Variants in TEX9 observed in about 807,000 individuals in gnomAD.
The protein encoded by TEX9 is testis-expressed protein 9.
Under a neutral mutation model 59.6 loss-of-function variants are expected in TEX9, and 74 were observed. The observed-to-expected ratio is 1.24, with a 90% CI of 1.03 to 1.51. The LOEUF is 1.51. Ranked by LOEUF, TEX9 falls within the 40% of genes most tolerant of loss-of-function variation. TEX9 has a pLI of 0.00. For missense variants in TEX9, 522 were observed against 447.8 expected (o/e 1.17, Z -1.49); for synonymous variants, 186 against 152.2 (o/e 1.22, Z -1.64).
chr15:56,364,587 T>C (rs564838951), upstream of TEX9, among the ~76,000 whole-genome samples: 2 of 152,140 alleles, frequency 1.3e-5, no homozygotes, highest in South Asian at 4.2e-4. Context: ...AGCTTTAGAG[T>C]TTTAGCTCCT....
intron 7 of TEX9, among the ~76,000 whole-genome samples, chr15:56,392,389 G>A (rs998182295): frequency 6.6e-6 from 1 of 152,060 alleles, no homozygotes; most frequent in Admixed American, 6.6e-5. Context: ...AAGAGACGGG[G>A]GAGGTGCTAC....
chr15:56,258,836 T>A (rs2044200765), intron 1 of TEX9, among the ~76,000 whole-genome samples: 1 of 151,346 alleles, frequency 6.6e-6, no homozygotes, highest in Non-Finnish European at 1.5e-5. Flanking sequence ...TTTTTCTTAT[T>A]GATTTGTAGA....
At position 56,247,274 on chromosome 15, in the gene TEX9, A is replaced by G. The variant is rs532601508; in HGVS notation, c.-107+2996A>G. ...TATGAATAAATAAGACCTGGCCCCA[A>G]CTTGAAGTAGTTTACATTTTTGTGA... On this transcript the variant is annotated intron_variant, in intron 1 of 5. Coordinates refer to the TEX9 transcript ENST00000560827. 3.3e-5 allele frequency among the ~76,000 whole-genome samples: 5 copies of G among 152,340 alleles called. No individual in the cohort carries two copies. In the South Asian group the frequency reaches 8.3e-4, roughly 25 times the overall value.
intron 10 of TEX9, among the ~76,000 whole-genome samples, chr15:56,426,013 T>G (rs910567363): frequency 5.3e-5 from 8 of 152,184 alleles, no homozygotes; most frequent in African/African-American, 1.9e-4. Context: ...ATCTCACTAC[T>G]TCTTCTCAGA....
chr15:56,377,461 T>C (rs190906237), intron 3 of TEX9, among the ~76,000 whole-genome samples: 2 of 152,282 alleles, frequency 1.3e-5, no homozygotes, highest in East Asian at 3.9e-4. Flanking sequence ...GTTGTAGAGA[T>C]CTGTTACTGC....
intron 1 of TEX9, among the ~76,000 whole-genome samples, chr15:56,319,038 T>G (rs1204338951): frequency 6.6e-6 from 1 of 152,040 alleles, no homozygotes; most frequent in Non-Finnish European, 1.5e-5. Context: ...CAAAAGAAAA[T>G]TATTTAATTG....
At chr15:56,309,693 GTTTTTTTTTTTTTTTTT>G (rs60648387) in intron 1 of TEX9, among the ~76,000 whole-genome samples, 6,066 of 61,238 alleles carry the variant, frequency 0.099, 366 homozygotes, top group Admixed American at 0.25. Context: ...TTTATGGGAA[GTTTTTTTTTTTTTTTTT>G]TTTTTTTTTT....
exon 1 of TEX9, chr15:56,365,434 C>T (rs751435237): frequency 1.9e-5 from 31 of 1,608,882 alleles, no homozygotes; most frequent in Non-Finnish European, 2.5e-5. Flanking sequence ...TCGGTAACCG[C>T]GTCGCAGTCG....
chr15:56,301,748 T>G (rs1341290681), intron 1 of TEX9, among the ~76,000 whole-genome samples: 1 of 152,056 alleles, frequency 6.6e-6, no homozygotes, highest in Admixed American at 6.6e-5. Flanking sequence ...AGACAAAAAC[T>G]GAGGAACTTC....
chr15:56,250,775 AAAT>A (rs1438589898), intron 1 of TEX9, among the ~76,000 whole-genome samples: 2 of 152,170 alleles, frequency 1.3e-5, no homozygotes. Flanking sequence ...AAAAAAAACA[AAAT>A]AATTCAGTTT....
intron 1 of TEX9, among the ~76,000 whole-genome samples, chr15:56,256,664 G>A (rs1454116009): frequency 6.6e-6 from 1 of 151,836 alleles, no homozygotes; most frequent in African/African-American, 2.4e-5. Flanking sequence ...AAAAAAGAGA[G>A]AGTTATCAGC....
In TEX9 at chr15:56,384,869, C is replaced by CAAGT. The variant is rs150343000; in HGVS notation, c.263+839_263+842dup. Reference sequence around the variant, plus strand: ...TCAACAGTATGTCCTGTTAAAGAGACAAGTTTGGGAAACATTTGGCTGATT... The same window carrying CAAGT: ...TCAACAGTATGTCCTGTTAAAGAGACAAGTAAGTTTGGGAAACATTTGGCTGATT... On this transcript the variant is annotated intron_variant, in intron 4 of 12. Transcript: ENST00000352903. Among the ~76,000 whole-genome samples the CAAGT allele has an allele frequency of 2.1e-3, 326 of 152,200 alleles. 1 individual carries two copies. Among genetic ancestry groups the CAAGT allele is most frequent in the African/African-American group, 7.3e-3 (305 of 41,522 alleles).
At chr15:56,334,932 A>G (rs2046230703) in intron 1 of TEX9, among the ~76,000 whole-genome samples, 1 of 152,214 alleles carries the variant, frequency 6.6e-6, no homozygotes, top group Non-Finnish European at 1.5e-5. Context: ...AGAGAAATGC[A>G]AATCAAAACT....
chr15:56,412,858 C>T lies in TEX9; in HGVS notation c.963+422C>T, dbSNP rs532740372. On this transcript the variant is annotated intron_variant, in intron 10 of 12. Transcript: ENST00000352903. ...CAAACTTGAGCATGTATCAGAATCT[C>T]TGGGAGGGCTTGTTAAATCACATTG... Among the ~76,000 whole-genome samples the T allele has an allele frequency of 5.3e-5, 8 of 152,214 alleles. No individual in the cohort carries two copies. In the East Asian group the frequency reaches 1.5e-3, roughly 29 times the overall value.
At chr15:56,252,314 A>G (rs548940608) in intron 1 of TEX9, among the ~76,000 whole-genome samples, 4 of 151,840 alleles carry the variant, frequency 2.6e-5, no homozygotes, top group African/African-American at 2.4e-5. Context: ...TCCAACATAT[A>G]CTATAGTCAC....
intron 1 of TEX9, among the ~76,000 whole-genome samples, chr15:56,288,356 G>A (rs8032923): frequency 1.3e-5 from 2 of 150,112 alleles, no homozygotes; most frequent in Non-Finnish European, 3.0e-5. Flanking sequence ...ATGTTTTTTT[G>A]TGTTACTAAT....
exon 7 of TEX9, chr15:56,391,386 T>A: frequency 6.4e-7 from 1 of 1,559,914 alleles, no homozygotes; most frequent in South Asian, 1.2e-5. Flanking sequence ...ATAGATGATA[T>A]TTTTTCTGGT....
intron 1 of TEX9, among the ~76,000 whole-genome samples, chr15:56,294,036 C>T (rs1427937972): frequency 6.6e-6 from 1 of 152,194 alleles, no homozygotes; most frequent in African/African-American, 2.4e-5. Context: ...CTTGTGTAGA[C>T]ACTGCTCCTT....
At position 56,425,070 on chromosome 15, in the gene TEX9, A is replaced by C. The variant is rs527904474; in HGVS notation, c.964-2535A>C. ...GCCCTTTAAATATATCATCCTACTG[A>C]CTTCTGGCCTGTAAAGTTTCTGCTG... On this transcript the variant is annotated intron_variant, in intron 10 of 12. Transcript: ENST00000352903. 1.3e-3 allele frequency among the ~76,000 whole-genome samples: 199 copies of C among 151,946 alleles called. 1 individual carries two copies. Among genetic ancestry groups the C allele is most frequent in the African/African-American group, 4.7e-3 (196 of 41,440 alleles).
Sources: allele counts gnomAD v4.1 joint callset (sites outside exome capture counted in the v4.1 genomes callset), GRCh38; gene constraint gnomAD v4.1.1; transcripts MANE v1.5; gene names NCBI Gene and HGNC (gene_info 2026-07-23, HGNC 2026-07-21).